Variants in MIER3 observed in about 807,000 individuals in gnomAD.
MIER3 encodes mesoderm induction early response protein 3.
Under a neutral mutation model 63.2 loss-of-function variants are expected in MIER3, and 9 were observed. That is an observed-to-expected ratio of 0.14 (90% CI 0.09 to 0.25). The LOEUF (loss-of-function observed/expected upper bound fraction) is 0.25. MIER3 is among the 10% of genes least tolerant of loss of function. MIER3 has a pLI of 1.00. For missense variants in MIER3, 512 were observed against 666.2 expected, an observed-to-expected ratio of 0.77 and a Z score of 2.55; for synonymous variants, 205 against 224.9, an observed-to-expected ratio of 0.91 and a Z score of 0.79.
Position 56,950,656 on chromosome 5 carries a change from G to A in MIER3, c.10-4C>T, listed in dbSNP as rs1224961773. 7 of 1,613,538 alleles carry A rather than the reference G, an allele frequency of 4.3e-6. No individual in the cohort carries two copies. Among genetic ancestry groups the A allele is most frequent in the Non-Finnish European group, 5.1e-6 (6 of 1,179,708 alleles). On this transcript the variant is annotated splice_region_variant and splice_polypyrimidine_tract_variant and intron_variant, in intron 1 of 12. Coordinates refer to ENST00000381199, the MANE Select transcript of MIER3 (RefSeq NM_001297599.2). ...GGCTCGAACTTCCAAAAGAAGCCTA[G>A]GAGAGAGAGAAGAAAACGTGAGGTT...
chr5:56,927,557 T>A (rs1750053222), intron 10 of MIER3, among the ~76,000 whole-genome samples: 1 of 152,206 alleles, frequency 6.6e-6, no homozygotes, highest in South Asian at 2.1e-4. Flanking sequence ...AACATACATA[T>A]GTATTTTGAA....
intron 3 of MIER3, among the ~76,000 whole-genome samples, chr5:56,942,490 G>GT (rs1750680026): frequency 6.6e-6 from 1 of 152,166 alleles, no homozygotes; most frequent in Non-Finnish European, 1.5e-5. Context: ...GAGAAGTTAG[G>GT]TAACTATAGC....
rs1252703322 is a variant in MIER3, at chr5:56,919,768, A to G, written c.*3360T>C. ...ACTGAAACTTGTTCTGATTGTCACT[A>G]ATTTATCTCATACTCACAGGGTACT... On this transcript the variant is annotated 3_prime_UTR_variant, in exon 13 of 13. Transcript: ENST00000381199. The G allele has an allele frequency of 6.6e-6, 1 of 152,614 alleles. No individual in the cohort carries two copies. The highest frequency in any genetic ancestry group is 1.9e-4 in the East Asian group (1 of 5,200). 9.5% of individuals were successfully genotyped at this position (152,614 alleles called of 1,614,324 possible).
rs925626624 is a variant in MIER3, at chr5:56,922,036, A to G, written c.*1092T>C. 6.6e-6 allele frequency: 1 copy of G among 152,656 alleles called. No homozygotes were observed. The highest frequency in any genetic ancestry group is 2.4e-5 in the African/African-American group (1 of 41,456). The allele number at this position is 152,656 out of a possible 1,614,324, so 9.5% of individuals were successfully genotyped here. A position where few individuals can be genotyped will look rare whatever the true frequency, so the allele number is the denominator to read the frequency against. The stretch of plus-strand genomic sequence containing the variant: ...CATTCTATTTCAGATAGGAACTCAC[A>G]TTATTCTTGCCAACTGTTCAAGCTT... On this transcript the variant is annotated 3_prime_UTR_variant, in exon 13 of 13. Transcript: ENST00000381199.
intron 1 of MIER3, among the ~76,000 whole-genome samples, chr5:56,951,378 G>A (rs1422610792): frequency 2.0e-5 from 3 of 151,936 alleles, no homozygotes; most frequent in South Asian, 2.1e-4. Flanking sequence ...ACATGGCCGG[G>A]GCAGCTTCGC....
rs1005981942 is a variant in MIER3, at chr5:56,920,790, A to G, written c.*2338T>C. 5.2e-5 allele frequency: 8 copies of G among 152,414 alleles called. No individual in the cohort carries two copies. Among genetic ancestry groups the G allele is most frequent in the African/African-American group, 9.6e-5 (4 of 41,474 alleles). 9.4% of individuals were successfully genotyped at this position (152,414 alleles called of 1,614,324 possible). On this transcript the variant is annotated 3_prime_UTR_variant, in exon 13 of 13. Coordinates refer to ENST00000381199, the MANE Select transcript of MIER3 (RefSeq NM_001297599.2). Reference sequence around the variant, plus strand: ...CAGAAAATATTGAATTAGATCTAAAAAGATATGAAGAATTTACACTTATAT... The same window carrying G: ...CAGAAAATATTGAATTAGATCTAAAGAGATATGAAGAATTTACACTTATAT...
Position 56,921,238 on chromosome 5 carries a change from G to A in MIER3, c.*1890C>T, listed in dbSNP as rs1475588017. 6.6e-6 allele frequency: 1 copy of A among 152,518 alleles called. No homozygotes were observed. The highest frequency in any genetic ancestry group is 1.5e-5 in the Non-Finnish European group (1 of 67,976). 9.4% of individuals were successfully genotyped at this position (152,518 alleles called of 1,614,324 possible). The stretch of plus-strand genomic sequence containing the variant: ...GAAAATTAAGGTTATAACAATGGAA[G>A]ATTATGGCCAGTATCTTACTAAATT... On this transcript the variant is annotated 3_prime_UTR_variant, in exon 13 of 13. Transcript: ENST00000381199.
At chr5:56,933,127 AT>A (rs2112106911) in intron 8 of MIER3, 119 bp downstream of exon 8, 1 of 1,092,312 alleles carries the variant, frequency 9.2e-7, no homozygotes, top group East Asian at 2.8e-5. Flanking sequence ...TATTTTGCAT[AT>A]TTTAAAACTC....
chr5:56,937,437 T>A, intron 5 of MIER3, 141 bp downstream of exon 5: 1 of 875,598 alleles, frequency 1.1e-6, no homozygotes, highest in South Asian at 2.7e-5. Context: ...AAGGTTATAA[T>A]CTTGTTTAAA....
chr5:56,940,418 T>C (rs1454110758), intron 3 of MIER3, among the ~76,000 whole-genome samples: 1 of 152,184 alleles, frequency 6.6e-6, no homozygotes, highest in African/African-American at 2.4e-5. Context: ...GAAGAGCCAG[T>C]GATGATTCCT....
chr5:56,931,170 T>C (rs561498845), intron 8 of MIER3, among the ~76,000 whole-genome samples: 1 of 152,350 alleles, frequency 6.6e-6, no homozygotes, highest in South Asian at 2.1e-4. Flanking sequence ...CCTGGAATAA[T>C]AGGCATGGCA....
chr5:56,946,772 T>C (rs1016683885), intron 3 of MIER3, among the ~76,000 whole-genome samples, 154 bp downstream of exon 3: 1 of 151,598 alleles, frequency 6.6e-6, no homozygotes, highest in African/African-American at 2.4e-5. Context: ...TTTTGAAAAA[T>C]TAAATGAAAG....
intron 10 of MIER3, among the ~76,000 whole-genome samples, chr5:56,926,658 T>C (rs954436289): frequency 1.3e-5 from 2 of 152,172 alleles, no homozygotes; most frequent in African/African-American, 4.8e-5. Context: ...GAAGACAGTT[T>C]GGCAGTTTCA....
At chr5:56,926,495 A>G (rs1468687981) in intron 10 of MIER3, among the ~76,000 whole-genome samples, 1 of 152,162 alleles carries the variant, frequency 6.6e-6, no homozygotes, top group Non-Finnish European at 1.5e-5. Flanking sequence ...AAGATGGTCA[A>G]CATCATCCTC....
rs1750548650 is a variant in MIER3, at chr5:56,939,000, T to C, written c.198A>G (p.Leu66=). ...EDLEKEGTMP[L]EDLLAFYGYE... is the part of the protein sequence containing the mutation. ...AGCCATAGAATGCCAGTAAATCTTC[T>C]AGAGGCATGGTTCCTTCCTGTTCAA... Residue 66 remains leucine, a synonymous_variant, in exon 4 of 13, where the codon CTA becomes CTG. Coordinates refer to ENST00000381199, the MANE Select transcript of MIER3 (RefSeq NM_001297599.2). The C allele has an allele frequency of 6.2e-7, 1 of 1,614,142 alleles. No individual in the cohort carries two copies. Among genetic ancestry groups the C allele is most frequent in the Non-Finnish European group, 8.5e-7 (1 of 1,179,998 alleles).
At chr5:56,927,078 T>A (rs751953231) in intron 10 of MIER3, among the ~76,000 whole-genome samples, 3 of 151,886 alleles carry the variant, frequency 2.0e-5, no homozygotes, top group Non-Finnish European at 2.9e-5. Context: ...TGCTAGAAGT[T>A]GTTAGGGAGG....
intron 7 of MIER3, 28 bp from the exon 8 acceptor site, chr5:56,933,426 T>TA: frequency 6.4e-7 from 1 of 1,564,042 alleles, no homozygotes; most frequent in Non-Finnish European, 8.6e-7. Context: ...ATTAACACAT[T>TA]AAAAATCATG....
intron 7 of MIER3, among the ~76,000 whole-genome samples, chr5:56,934,146 T>A (rs925060471): frequency 1.3e-5 from 2 of 152,186 alleles, no homozygotes; most frequent in Non-Finnish European, 1.5e-5. Flanking sequence ...CAATCTGTTC[T>A]TCAAGTGCAT....
chr5:56,942,071 G>C (rs1384287929), intron 3 of MIER3, among the ~76,000 whole-genome samples: 1 of 152,112 alleles, frequency 6.6e-6, no homozygotes, highest in Non-Finnish European at 1.5e-5. Flanking sequence ...AGTTTAAGAG[G>C]ACTATGAAAC....
Sources: gnomAD v4.1 joint callset for allele counts (sites outside exome capture counted in the v4.1 genomes callset) on GRCh38, gnomAD v4.1.1 for gene constraint, MANE v1.5 for transcripts, NCBI Gene and HGNC (gene_info 2026-07-23, HGNC 2026-07-21) for gene names.